The following DAPK2 variants were observed in gnomAD, a reference collection of about 807,000 sequenced individuals.
DAPK2 encodes the protein death-associated protein kinase 2.
In DAPK2, 35 loss-of-function variants were observed where a neutral mutation model predicts 44.1. That is an observed-to-expected ratio of 0.79 (90% CI 0.61 to 1.05). The LOEUF (loss-of-function observed/expected upper bound fraction) is 1.05. Among genes scored for constraint, DAPK2 ranks in the 50% least tolerant of loss-of-function variants. The pLI is 0.00. For missense variants in DAPK2, 453 were observed against 483.2 expected, an observed-to-expected ratio of 0.94 and a Z score of 0.59; for synonymous variants, 174 against 182.6, an observed-to-expected ratio of 0.95 and a Z score of 0.38.
rs1283925042 is a variant in DAPK2 at position 63,957,527 on chromosome 15, C to T, written c.453+13896G>A. On this transcript the variant is annotated intron_variant, in intron 3 of 10. Coordinates refer to ENST00000261891, the Ensembl canonical transcript of DAPK2. Reference sequence around the variant, plus strand: ...CCCCCTCCCCCCACCCCATGACAGGCCCCGGTGTGTGATGTTCCCCACCCC... The same window carrying T: ...CCCCCTCCCCCCACCCCATGACAGGTCCCGGTGTGTGATGTTCCCCACCCC... Among the ~76,000 whole-genome samples the T allele has an allele frequency of 1.4e-4, 16 of 117,662 alleles. No homozygotes were observed. The Admixed American group carries it at 1.6e-3, about 12-fold the overall frequency. 77.2% of individuals were successfully genotyped at this position (117,662 alleles called of 152,430 possible). A position where few individuals can be genotyped will look rare whatever the true frequency, so the allele number is the denominator to read the frequency against.
chr15:63,927,555 C>T (rs940582026), intron 6 of DAPK2, among the ~76,000 whole-genome samples: 3 of 152,176 alleles, frequency 2.0e-5, no homozygotes, highest in Non-Finnish European at 4.4e-5. Context: ...ACCTTGGTTC[C>T]ACTGGGTGTG....
intron 3 of DAPK2, among the ~76,000 whole-genome samples, chr15:63,965,344 TA>T (rs2078024199): frequency 6.6e-6 from 1 of 152,214 alleles, no homozygotes; most frequent in African/African-American, 2.4e-5. Context: ...TGCCTGGGGC[TA>T]GGGGAGGGGG....
chr15:63,954,172 G>A (rs150895999), intron 3 of DAPK2, among the ~76,000 whole-genome samples: 26 of 152,160 alleles, frequency 1.7e-4, no homozygotes, highest in Non-Finnish European at 3.4e-4. Flanking sequence ...GATCCCATTT[G>A]TCTATGTTTC....
intron 1 of DAPK2, among the ~76,000 whole-genome samples, chr15:64,032,149 AACCTT>A (rs1019152964): frequency 6.6e-6 from 1 of 152,174 alleles, no homozygotes; most frequent in African/African-American, 2.4e-5. Context: ...CCAGCCTGGA[AACCTT>A]CAGTCCAGCA....
intron 4 of DAPK2, among the ~76,000 whole-genome samples, chr15:63,937,697 T>C (rs1273138564): frequency 6.6e-6 from 1 of 152,216 alleles, no homozygotes; most frequent in Non-Finnish European, 1.5e-5. Flanking sequence ...AACAGTCTTT[T>C]CAGAACATCT....
Position 63,923,158 on chromosome 15 carries a change from G to A in DAPK2, c.858+1658C>T, listed in dbSNP as rs2079132671. 6.5e-7 allele frequency: 1 copy of A among 1,535,792 alleles called. No individual in the cohort carries two copies. ...GGATGGTATCGTGGGCCTCCACCAG[G>A]GCACGGCATCCCAGGTCGACCCGAG... is the stretch of plus-strand genomic sequence containing the variant. On this transcript the variant is annotated intron_variant, in intron 8 of 10. Coordinates refer to ENST00000261891, the Ensembl canonical transcript of DAPK2. The surrounding 1 kb of genome is among the most constrained non-coding windows in gnomAD (Gnocchi z 4.2).
chr15:63,983,558 T>C, exon 2 of DAPK2: 7 of 1,613,690 alleles, frequency 4.3e-6, no homozygotes, highest in Non-Finnish European at 5.9e-6. Context: ...ACCACGTCGG[T>C]GCGGTTCTCA....
chr15:63,972,641 A>G (rs1263300026), intron 2 of DAPK2, among the ~76,000 whole-genome samples: 1 of 152,242 alleles, frequency 6.6e-6, no homozygotes, highest in African/African-American at 2.4e-5. Flanking sequence ...ACTTGTAAGC[A>G]ATAAAAATGG....
intron 6 of DAPK2, chr15:63,928,290 G>A (rs1184726400): frequency 6.6e-6 from 1 of 152,352 alleles, no homozygotes; most frequent in Admixed American, 6.5e-5. Context: ...TTCAGCTGCA[G>A]CTCAGGGGGA....
At chr15:63,911,728 C>G (rs2078797282) in intron 10 of DAPK2, 180 bp downstream of exon 11, 1 of 661,058 alleles carries the variant, frequency 1.5e-6, no homozygotes, top group Non-Finnish European at 2.6e-6. Flanking sequence ...CAGAGGTCCC[C>G]AGAACACACT....
chr15:63,977,108 AG>A (rs5813270), intron 2 of DAPK2, among the ~76,000 whole-genome samples: 8 of 151,932 alleles, frequency 5.3e-5, no homozygotes, highest in Admixed American at 3.3e-4. Flanking sequence ...AAAAAAGAGA[AG>A]GGGAAGGGGG....
intron 6 of DAPK2, among the ~76,000 whole-genome samples, chr15:63,929,138 G>T (rs1223121153): frequency 6.6e-6 from 1 of 151,374 alleles, no homozygotes; most frequent in East Asian, 1.9e-4. Flanking sequence ...GGTGGAGGTT[G>T]CAGTGAGCCA....
rs562847200 is a variant in DAPK2, at chr15:63,987,879, C to A, written c.93-4125G>T. On this transcript the variant is annotated intron_variant, in intron 1 of 10. Transcript: ENST00000261891. ...CAGGCCTCAGTTTCCTTCTTTGTCA[C>A]ATGGGGATGATAATACCTGCCCTGC... is the stretch of plus-strand genomic sequence containing the variant. 3.9e-5 allele frequency among the ~76,000 whole-genome samples: 6 copies of A among 152,256 alleles called. No individual in the cohort carries two copies. The East Asian group carries it at 7.7e-4, about 20-fold the overall frequency.
At chr15:64,036,121 C>T (rs2080173870) in intron 1 of DAPK2, among the ~76,000 whole-genome samples, 1 of 151,172 alleles carries the variant, frequency 6.6e-6, no homozygotes, top group Admixed American at 6.6e-5. Flanking sequence ...ATTAGCCAGA[C>T]ATGGTAGCAC....
intron 1 of DAPK2, among the ~76,000 whole-genome samples, chr15:64,038,247 A>C (rs972878788): frequency 3.9e-5 from 6 of 152,202 alleles, no homozygotes; most frequent in Admixed American, 3.3e-4. Context: ...CCAGGAGGGC[A>C]GAGACTGTCT....
chr15:63,951,866 T>C (rs1454146263), intron 3 of DAPK2, among the ~76,000 whole-genome samples: 1 of 152,232 alleles, frequency 6.6e-6, no homozygotes, highest in African/African-American at 2.4e-5. Context: ...ATTCACTCAT[T>C]TGTTCGACAC....
In DAPK2 at chr15:63,968,999, C is replaced by T. The variant is rs542144385; in HGVS notation, c.453+2424G>A. 3.3e-5 allele frequency among the ~76,000 whole-genome samples: 5 copies of T among 152,322 alleles called. No individual in the cohort carries two copies. In the South Asian group the frequency reaches 1.0e-3, roughly 32 times the overall value. ...GTCACACAGGTGCAATCAAGGCAGA[C>T]CATTTCCTGCTGTTACTACCCTGAG... On this transcript the variant is annotated intron_variant, in intron 3 of 10. Transcript: ENST00000261891.
chr15:63,996,904 G>C (rs576173580), intron 1 of DAPK2, among the ~76,000 whole-genome samples: 1 of 152,102 alleles, frequency 6.6e-6, no homozygotes, highest in Non-Finnish European at 1.5e-5. Flanking sequence ...ACGCTTGCAG[G>C]TGGCCTATTC....
intron 2 of DAPK2, 21 bp downstream of exon 3, chr15:63,983,512 G>A (rs188856250): frequency 1.2e-6 from 2 of 1,609,132 alleles, no homozygotes; most frequent in East Asian, 2.2e-5. Flanking sequence ...CAACCCTGTG[G>A]GTCCTGGGGA....
Sources: gnomAD v4.1 joint callset for allele counts (sites outside exome capture counted in the v4.1 genomes callset) on GRCh38, gnomAD v4.1.1 for gene constraint, Gnocchi (gnomAD v3.1) non-coding constraint, MANE v1.5 for transcripts, NCBI Gene and HGNC (gene_info 2026-07-23, HGNC 2026-07-21) for gene names.